The following AP1B1 variants were observed in gnomAD, a reference collection of about 807,000 sequenced individuals.
AP1B1 encodes the protein adaptor related protein complex 1 subunit beta 1, also known as AP-1 complex subunit beta-1.
A neutral mutation model predicts 104.3 loss-of-function variants in AP1B1; 36 were observed. That is an observed-to-expected ratio of 0.35 (90% confidence interval 0.26 to 0.46). AP1B1 has a LOEUF of 0.46. Ranked by LOEUF, AP1B1 falls within the 20% of genes least tolerant of loss-of-function variation. The pLI, the probability that AP1B1 is intolerant of heterozygous loss-of-function variation, is 1.00. For missense variants in AP1B1, 901 were observed against 1,247.9 expected, an observed-to-expected ratio of 0.72 and a Z score of 4.19; for synonymous variants, 504 against 517.5, an observed-to-expected ratio of 0.97 and a Z score of 0.35.
At chr22:29,344,751 T>C (rs2061766144) in intron 11 of AP1B1, among the ~76,000 whole-genome samples, 1 of 152,002 alleles carries the variant, frequency 6.6e-6, no homozygotes, top group Non-Finnish European at 1.5e-5. Context: ...ACTCCTGACC[T>C]AAAGTGATCC....
At chr22:29,387,011 G>A (rs1354369733) in intron 1 of AP1B1, among the ~76,000 whole-genome samples, 1 of 152,212 alleles carries the variant, frequency 6.6e-6, no homozygotes, top group Admixed American at 6.5e-5. Context: ...ATCCCCTAGA[G>A]GTCATGTGGT....
intron 1 of AP1B1, among the ~76,000 whole-genome samples, chr22:29,373,046 G>A (rs1602792812): frequency 1.3e-5 from 2 of 152,326 alleles, no homozygotes; most frequent in South Asian, 4.1e-4. Flanking sequence ...AGCACCTTGG[G>A]AGGCCAAGGC....
intron 11 of AP1B1, among the ~76,000 whole-genome samples, chr22:29,348,152 A>G (rs1044993938): frequency 2.0e-5 from 3 of 152,386 alleles, no homozygotes; most frequent in African/African-American, 7.2e-5. Context: ...GAATCTGCCT[A>G]CTTGCTAAAA....
rs750805792 is a variant in AP1B1 at position 29,330,456 on chromosome 22, G to C, written c.2688C>G (p.Leu896=). The change falls in exon 21 of 23, where the codon CTC becomes CTG. Residue 896 remains leucine (L), a synonymous_variant. Transcript: ENST00000357586. ...CGTTGGTCAGCTTCAGGGACTGGTA[G>C]AGCATGTCCTGGCCCTCCACGTTCC... ...AKRNVEGQDM[L]YQSLKLTNGI... 6.8e-6 allele frequency: 11 copies of C among 1,613,956 alleles called. No individual in the cohort carries two copies. The Middle Eastern group carries it at 1.2e-3, about 169-fold the overall frequency.
intron 19 of AP1B1, 79 bp downstream of exon 19, chr22:29,331,370 T>C: frequency 7.2e-7 from 1 of 1,394,428 alleles, no homozygotes; most frequent in Non-Finnish European, 1.0e-6. Context: ...ATCTGGACCT[T>C]GGTAAAGGCA....
rs2061553829 is a variant in AP1B1 at position 29,331,330 on chromosome 22, C to T, written c.2524+119G>A. ...CAGGCCCTGCAGGGAAGCAGCAACT[C>T]CCCGACTCCATTTACGGGCAAGGCA... On this transcript the variant is annotated intron_variant, in intron 19 of 22. Coordinates refer to ENST00000357586, the MANE Select transcript of AP1B1 (RefSeq NM_001127.4). The T allele has an allele frequency of 3.0e-6, 3 of 1,014,024 alleles. No individual in the cohort carries two copies. The African/African-American group carries it at 4.7e-5, about 16-fold the overall frequency. 62.8% of individuals were successfully genotyped at this position (1,014,024 alleles called of 1,614,324 possible).
chr22:29,340,818 T>G lies in AP1B1; in HGVS notation c.1836A>C (p.Gly612=). 1.9e-6 allele frequency: 3 copies of G among 1,599,804 alleles called. No individual in the cohort carries two copies. Among genetic ancestry groups the G allele is most frequent in the Non-Finnish European group, 2.6e-6 (3 of 1,174,704 alleles). ...CATCTGGCTGCTCCCCAGGAGGTGC[T>G]CCAGTAGGGGCTGTCTCAGGGCTCT... ...SAESPETAPT[G]APPGEQPDVI... is the part of the protein sequence containing the mutation. Residue 612 remains glycine (G), a synonymous_variant, in exon 14 of 23, where the codon GGA becomes GGC. Transcript: ENST00000357586.
chr22:29,360,353 A>G (rs974527524), intron 3 of AP1B1, among the ~76,000 whole-genome samples: 1 of 152,180 alleles, frequency 6.6e-6, no homozygotes, highest in African/African-American at 2.4e-5. Flanking sequence ...CAGGGCCTTT[A>G]TGATAACTGA....
At chr22:29,387,127 T>C (rs1483632988) in intron 1 of AP1B1, among the ~76,000 whole-genome samples, 1 of 152,142 alleles carries the variant, frequency 6.6e-6, no homozygotes, top group East Asian at 1.9e-4. Flanking sequence ...GTCTCACTGT[T>C]CCCTAAAGTC....
At chr22:29,361,387 C>A (rs1247125284) in intron 3 of AP1B1, among the ~76,000 whole-genome samples, 2 of 152,156 alleles carry the variant, frequency 1.3e-5, no homozygotes, top group Non-Finnish European at 2.9e-5. Context: ...GGGCTGGGCA[C>A]CACGAGGGCA....
chr22:29,352,715 G>A (rs1025960473), intron 7 of AP1B1, among the ~76,000 whole-genome samples: 5 of 152,182 alleles, frequency 3.3e-5, no homozygotes, highest in Admixed American at 1.3e-4. Flanking sequence ...GATTGCTTGA[G>A]TCCAGGAGTT....
At chr22:29,338,584 A>G (rs542091374) in intron 16 of AP1B1, among the ~76,000 whole-genome samples, 1 of 152,298 alleles carries the variant, frequency 6.6e-6, no homozygotes, top group Non-Finnish European at 1.5e-5. Flanking sequence ...CACCAATTGC[A>G]TTTAAGGAGA....
At chr22:29,338,039 T>C (rs1455303012) in intron 16 of AP1B1, among the ~76,000 whole-genome samples, 1 of 152,220 alleles carries the variant, frequency 6.6e-6, no homozygotes, top group Non-Finnish European at 1.5e-5. Flanking sequence ...ATCCCTAGTC[T>C]AGCCAGGAGT....
At chr22:29,363,819 C>A (rs1251587278) in intron 2 of AP1B1, among the ~76,000 whole-genome samples, 1 of 151,894 alleles carries the variant, frequency 6.6e-6, no homozygotes, top group Non-Finnish European at 1.5e-5. Flanking sequence ...ATCGTTTGAG[C>A]CCAGAGATCG....
intron 8 of AP1B1, 152 bp from the exon 9 acceptor site, chr22:29,351,418 G>A: frequency 3.1e-6 from 3 of 973,388 alleles, no homozygotes; most frequent in Non-Finnish European, 4.8e-6. Context: ...GCTGGCAGGT[G>A]CCTGAAAAGG....
chr22:29,338,648 G>A (rs1019126940), intron 16 of AP1B1, among the ~76,000 whole-genome samples: 1 of 152,178 alleles, frequency 6.6e-6, no homozygotes, highest in East Asian at 1.9e-4. Context: ...TGAGTCTGAT[G>A]GCACTGAGAA....
chr22:29,342,547 A>G (rs1299233285), intron 11 of AP1B1, among the ~76,000 whole-genome samples, 164 bp from the exon 12 acceptor site: 1 of 152,238 alleles, frequency 6.6e-6, no homozygotes, highest in East Asian at 1.9e-4. Flanking sequence ...GGCTGCCACA[A>G]GTGTTGGTGC....
chr22:29,346,870 T>C (rs1262014355), intron 11 of AP1B1, among the ~76,000 whole-genome samples: 3 of 152,184 alleles, frequency 2.0e-5, no homozygotes, highest in Non-Finnish European at 4.4e-5. Flanking sequence ...CCAGCATCTA[T>C]TCTGTCTTCT....
In AP1B1 at chr22:29,339,087, G is replaced by C; in HGVS notation, c.2066C>G (p.Ala689Gly). ...FVAPPTAAVPANLGAPIGSGL... is the reference protein window; with the variant it reads ...FVAPPTAAVPGNLGAPIGSGL... ...ACTGCCGATGGGTGCTCCAAGATTG[G>C]CTGGTACTGCTGCTGTTGGAGGTGC... The change falls in exon 16 of 23, where the codon GCC becomes GGC. Residue 689 changes from alanine (A) to glycine (G), a missense_variant. Coordinates refer to ENST00000357586, the MANE Select transcript of AP1B1 (RefSeq NM_001127.4). The C allele has an allele frequency of 6.2e-7, 1 of 1,614,202 alleles. No homozygotes were observed. The highest frequency in any genetic ancestry group is 1.3e-5 in the African/African-American group (1 of 75,048).
Sources: gnomAD v4.1 joint callset for allele counts (sites outside exome capture counted in the v4.1 genomes callset) on GRCh38, gnomAD v4.1.1 for gene constraint, MANE v1.5 for transcripts, NCBI Gene and HGNC (gene_info 2026-07-23, HGNC 2026-07-21) for gene names.